SGPP2: variants seen among roughly 807,000 people sequenced by gnomAD.
The protein encoded by SGPP2 is sphingosine-1-phosphate phosphatase 2.
A neutral mutation model predicts 33.9 loss-of-function variants in SGPP2; 30 were observed. The ratio of observed to expected loss-of-function variants is 0.89; its 90% CI spans 0.66 to 1.20. The LOEUF (loss-of-function observed/expected upper bound fraction) is 1.20. SGPP2 is among the 50% of genes most tolerant of loss of function. SGPP2 has a pLI of 0.00. For missense variants in SGPP2, 458 were observed against 532.1 expected (o/e 0.86, Z 1.37); for synonymous variants, 233 against 225.0 (o/e 1.04, Z -0.32).
chr2:222,449,235 G>A (rs1010569539), intron 1 of SGPP2, among the ~76,000 whole-genome samples: 1 of 152,166 alleles, frequency 6.6e-6, no homozygotes, highest in African/African-American at 2.4e-5. Flanking sequence ...GCTATTTGGA[G>A]AAGGGAAAAG....
chr2:222,474,343 C>A (rs552423555), intron 1 of SGPP2, among the ~76,000 whole-genome samples: 5 of 152,274 alleles, frequency 3.3e-5, no homozygotes. Context: ...CCTGGTACTT[C>A]TGTCTTGGAT....
At chr2:222,513,790 C>T (rs142048564) in intron 2 of SGPP2, among the ~76,000 whole-genome samples, 2 of 151,846 alleles carry the variant, frequency 1.3e-5, no homozygotes, top group East Asian at 4.1e-4. Flanking sequence ...CCTACAGCTA[C>T]CAGAAACTGG....
At chr2:222,464,700 C>T (rs928835380) in intron 1 of SGPP2, among the ~76,000 whole-genome samples, 2 of 152,166 alleles carry the variant, frequency 1.3e-5, no homozygotes, top group Non-Finnish European at 2.9e-5. Context: ...CCAGGCTCTT[C>T]TCAGACTCCT....
rs6708724 is a variant in SGPP2, at chr2:222,427,416, A to C, written c.219+2595A>C. ...GCTAAGACTACGGATGCATGCCATC[A>C]TCTGGTTTGTTGTTGTTGTTGTTGT... On this transcript the variant is annotated intron_variant, in intron 1 of 4. Coordinates refer to ENST00000321276, the MANE Select transcript of SGPP2 (RefSeq NM_152386.4). Among the ~76,000 whole-genome samples the C allele has an allele frequency of 8.0e-3, 1,219 of 152,136 alleles. 12 individuals are homozygous for C. Among genetic ancestry groups the C allele is most frequent in the African/African-American group, 0.027 (1,129 of 41,482 alleles).
upstream of SGPP2, among the ~76,000 whole-genome samples, chr2:222,424,356 TGGCCGCCCGG>T (rs1697024283): frequency 6.6e-6 from 1 of 151,902 alleles, no homozygotes; most frequent in African/African-American, 2.4e-5. Context: ...CCTGCCCCCG[TGGCCGCCCGG>T]GGCCGCCCAA....
chr2:222,440,817 G>A (rs550157188), intron 1 of SGPP2, among the ~76,000 whole-genome samples: 23 of 151,140 alleles, frequency 1.5e-4, no homozygotes, highest in South Asian at 4.2e-4. Flanking sequence ...TTCACCCACC[G>A]CAGAACATCA....
intron 1 of SGPP2, among the ~76,000 whole-genome samples, chr2:222,464,752 G>C (rs1222213327): frequency 1.3e-5 from 2 of 152,106 alleles, no homozygotes; most frequent in Non-Finnish European, 2.9e-5. Context: ...CAAACAGCTG[G>C]GATTACAGGT....
intron 4 of SGPP2, among the ~76,000 whole-genome samples, chr2:222,540,103 G>A (rs1180260584): frequency 6.6e-6 from 1 of 152,204 alleles, no homozygotes; most frequent in African/African-American, 2.4e-5. Context: ...TATAGGATGA[G>A]TATACCTTAT....
At chr2:222,447,068 G>A (rs1178333659) in intron 1 of SGPP2, among the ~76,000 whole-genome samples, 3 of 152,204 alleles carry the variant, frequency 2.0e-5, no homozygotes, top group African/African-American at 7.2e-5. Flanking sequence ...TCAGACTCAA[G>A]CTGCCTCTTT....
At chr2:222,551,163 C>G (rs1689288325) in intron 4 of SGPP2, among the ~76,000 whole-genome samples, 1 of 152,158 alleles carries the variant, frequency 6.6e-6, no homozygotes, top group Non-Finnish European at 1.5e-5. Flanking sequence ...ACCATCTGCA[C>G]TCTTTCCTCT....
At chr2:222,541,596 TTA>T (rs1698998035) in intron 4 of SGPP2, among the ~76,000 whole-genome samples, 2 of 10,246 alleles carry the variant, frequency 2.0e-4, no homozygotes, top group Non-Finnish European at 6.0e-4. Context: ...GAAAACTATT[TTA>T]TTTATTTATT....
intron 4 of SGPP2, among the ~76,000 whole-genome samples, chr2:222,535,430 T>C (rs955002850): frequency 3.3e-5 from 5 of 150,296 alleles, no homozygotes; most frequent in Non-Finnish European, 7.4e-5. Flanking sequence ...CTTTTACAAG[T>C]GGAGGATGAA....
intron 4 of SGPP2, among the ~76,000 whole-genome samples, chr2:222,530,462 A>C (rs1056496169): frequency 2.0e-5 from 3 of 152,242 alleles, no homozygotes; most frequent in Non-Finnish European, 4.4e-5. Flanking sequence ...TAGCTTCTCT[A>C]TCAGAACTTG....
chr2:222,483,622 G>T (rs1295250766), intron 2 of SGPP2, among the ~76,000 whole-genome samples: 1 of 152,200 alleles, frequency 6.6e-6, no homozygotes, highest in Non-Finnish European at 1.5e-5. Context: ...TAAACGTTTT[G>T]TGATAATGTG....
In SGPP2 at chr2:222,460,299, G is replaced by A. The variant is rs971682129; in HGVS notation, c.220-14269G>A. 3.3e-5 allele frequency among the ~76,000 whole-genome samples: 5 copies of A among 152,136 alleles called. No individual in the cohort carries two copies. Among genetic ancestry groups the A allele is most frequent in the African/African-American group, 9.7e-5 (4 of 41,426 alleles). On this transcript the variant is annotated intron_variant, in intron 1 of 4. Transcript: ENST00000321276. This position sits in a 1 kb window ranked among gnomAD's most constrained non-coding sequence, Gnocchi z 4.3. ...TTATTCATCTTCCAGGATGGCCCAT[G>A]AGACTCCCTGAGTACCCAGCTGTTA...
At chr2:222,478,134 C>T (rs1296972213) in intron 2 of SGPP2, among the ~76,000 whole-genome samples, 2 of 143,762 alleles carry the variant, frequency 1.4e-5, no homozygotes, top group South Asian at 2.2e-4. Context: ...GCGTTCCTGC[C>T]AGTGCCTGGG....
At chr2:222,534,650 G>A (rs577015877) in intron 4 of SGPP2, among the ~76,000 whole-genome samples, 9 of 152,246 alleles carry the variant, frequency 5.9e-5, no homozygotes, top group Admixed American at 2.6e-4. Context: ...AAAAAAAGCC[G>A]ATGGCAATAT....
At chr2:222,473,258 A>C (rs1427873149) in intron 1 of SGPP2, among the ~76,000 whole-genome samples, 2 of 152,218 alleles carry the variant, frequency 1.3e-5, no homozygotes, top group Non-Finnish European at 2.9e-5. Context: ...TGAAGGTGTC[A>C]GCTAGGTGGT....
chr2:222,508,355 C>G (rs1294167661), intron 2 of SGPP2, among the ~76,000 whole-genome samples: 1 of 152,166 alleles, frequency 6.6e-6, no homozygotes, highest in Non-Finnish European at 1.5e-5. Context: ...AATTTGGAAT[C>G]AGAAAACCAA....
Sources: gnomAD v4.1 joint callset for allele counts (sites outside exome capture counted in the v4.1 genomes callset) on GRCh38, gnomAD v4.1.1 for gene constraint, Gnocchi (gnomAD v3.1) non-coding constraint, MANE v1.5 for transcripts, NCBI Gene and HGNC (gene_info 2026-07-23, HGNC 2026-07-21) for gene names.